Variants in KIAA2012 observed in about 807,000 individuals in gnomAD.
KIAA2012 encodes the protein uncharacterized protein KIAA2012.
KIAA2012 carries 125 observed loss-of-function variants against 150.6 expected under a neutral mutation model. The observed-to-expected ratio is 0.83, with a 90% CI of 0.72 to 0.96. The LOEUF (loss-of-function observed/expected upper bound fraction) is 0.96. Ranked by LOEUF, KIAA2012 falls within the 40% of genes least tolerant of loss-of-function variation. KIAA2012 has a pLI of 0.00. For missense variants in KIAA2012, 1,219 were observed against 1,354.9 expected (o/e 0.90, Z 1.57); for synonymous variants, 462 against 504.7 (o/e 0.92, Z 1.13).
chr2:202,118,131 A>G (rs933953486), intron 11 of KIAA2012, among the ~76,000 whole-genome samples: 1 of 152,142 alleles, frequency 6.6e-6, no homozygotes, highest in Non-Finnish European at 1.5e-5. Context: ...GTTCTGAATC[A>G]TAGAGTCCAC....
At chr2:202,150,998 G>A (rs1349085363) in intron 13 of KIAA2012, among the ~76,000 whole-genome samples, 1 of 152,186 alleles carries the variant, frequency 6.6e-6, no homozygotes. Context: ...AAACAGAGGG[G>A]TGCCTCATGG....
intron 15 of KIAA2012, among the ~76,000 whole-genome samples, chr2:202,174,003 T>C (rs1251367017): frequency 6.6e-6 from 1 of 152,188 alleles, no homozygotes; most frequent in Admixed American, 6.5e-5. Flanking sequence ...TTTGCTCTTG[T>C]CGCCCAGACT....
At chr2:202,175,367 A>G (rs993523548) in intron 15 of KIAA2012, among the ~76,000 whole-genome samples, 3 of 152,248 alleles carry the variant, frequency 2.0e-5, no homozygotes, top group Admixed American at 6.5e-5. Context: ...ATTAGCTGAT[A>G]TTAAAATTCA....
At position 202,085,525 on chromosome 2, in the gene KIAA2012, C is replaced by T. The variant is rs146895475; in HGVS notation, c.370-5245C>T. 2.6e-5 allele frequency among the ~76,000 whole-genome samples: 4 copies of T among 152,200 alleles called. No individual in the cohort carries two copies. In the East Asian group the frequency reaches 7.7e-4, roughly 29 times the overall value. On this transcript the variant is annotated intron_variant, in intron 2 of 23. Coordinates refer to ENST00000498697, the MANE Select transcript of KIAA2012 (RefSeq NM_001277372.4). ...AGCCAAGGAATGAAGGTGGGGGTGA[C>T]CTCTAGAAGCTGGAAAAGGCAGGGA...
chr2:202,114,658 A>T (rs897863449), intron 11 of KIAA2012: 2 of 166,624 alleles, frequency 1.2e-5, no homozygotes, highest in Admixed American at 6.5e-5. Flanking sequence ...TGCTTCAGTC[A>T]TTTTAGTATC....
chr2:202,190,498 G>A lies in KIAA2012; in HGVS notation c.2811+5G>A, dbSNP rs144941654. 896 of 1,493,140 alleles carry A rather than the reference G, an allele frequency of 6.0e-4. 3 individuals are homozygous for A. In the African/African-American group the frequency reaches 0.01, roughly 17 times the overall value. 92.5% of individuals were successfully genotyped at this position (1,493,140 alleles called of 1,614,324 possible). The stretch of plus-strand genomic sequence containing the variant: ...AGATGTGAGGACCCTTCCAAGGTAG[G>A]GTCTGATGTCCTCAGCTTGACAGAG... On this transcript the variant is annotated splice_donor_5th_base_variant and intron_variant, in intron 19 of 23. Transcript: ENST00000498697.
intron 11 of KIAA2012, among the ~76,000 whole-genome samples, chr2:202,118,229 T>G (rs1240839856): frequency 6.6e-6 from 1 of 152,192 alleles, no homozygotes; most frequent in Non-Finnish European, 1.5e-5. Context: ...GCCTTTTCAG[T>G]GTTTTTCATA....
Position 202,109,739 on chromosome 2 carries a change from C to A in KIAA2012, c.1601C>A (p.Pro534Gln). Residue 534 changes from proline (P) to glutamine (Q), a missense_variant, in exon 10 of 24, where the codon CCA becomes CAA. Transcript: ENST00000498697. ...AGGACATCAGACCACAACAGCCCCC[C>A]AAGTCTCCCGAACATGAGAGTGCCC... The part of the protein sequence containing the change: ...SPRTSDHNSP[P>Q]SLPNMRVPRR... 1 of 1,550,314 alleles carries A rather than the reference C, an allele frequency of 6.5e-7. No homozygotes were observed. Among genetic ancestry groups the A allele is most frequent in the Non-Finnish European group, 8.7e-7 (1 of 1,146,856 alleles).
rs967587282 is a variant in KIAA2012 at position 202,184,385 on chromosome 2, A to C, written c.2120-368A>C. Reference sequence around the variant, plus strand: ...GTCAACAGAGCAAGACTCCGTCTCAAAAAAAAAAAAAAAAAGTAATGTAAT... The same window carrying C: ...GTCAACAGAGCAAGACTCCGTCTCACAAAAAAAAAAAAAAAGTAATGTAAT... On this transcript the variant is annotated intron_variant, in intron 15 of 23. Transcript: ENST00000498697. Among the ~76,000 whole-genome samples, 52 of 32,030 alleles carry C rather than the reference A, an allele frequency of 1.6e-3. 1 individual carries two copies. In the East Asian group the frequency reaches 0.075, roughly 46 times the overall value. The allele number at this position is 32,030 out of a possible 152,430, so 21.0% of individuals were successfully genotyped here.
At chr2:202,171,706 A>G (rs182998138) in intron 15 of KIAA2012, among the ~76,000 whole-genome samples, 1 of 152,304 alleles carries the variant, frequency 6.6e-6, no homozygotes, top group Non-Finnish European at 1.5e-5. Flanking sequence ...GCAGGCACGC[A>G]TAGTCCCTGG....
intron 15 of KIAA2012, among the ~76,000 whole-genome samples, chr2:202,182,172 T>G (rs906990476): frequency 1.4e-5 from 2 of 145,290 alleles, no homozygotes; most frequent in African/African-American, 5.1e-5. Context: ...TGAAGTGCAA[T>G]GGCGCGATCT....
chr2:202,094,333 C>T (rs1166857983), intron 4 of KIAA2012, among the ~76,000 whole-genome samples: 1 of 152,078 alleles, frequency 6.6e-6, no homozygotes, highest in Non-Finnish European at 1.5e-5. Flanking sequence ...GCCTGACCAA[C>T]CCCCATCTTT....
In KIAA2012 at chr2:202,187,012, G is replaced by A. The variant is rs1442061914; in HGVS notation, c.2290G>A (p.Val764Met). 4 of 1,550,490 alleles carry A rather than the reference G, an allele frequency of 2.6e-6. No homozygotes were observed. Among genetic ancestry groups the A allele is most frequent in the Middle Eastern group, 1.7e-4 (1 of 6,014 alleles). Residue 764 changes from valine to methionine, a missense_variant, in exon 17 of 24, where the codon GTG (valine) becomes ATG (methionine). By Grantham distance (21) the Val-to-Met change is conservative (BLOSUM62 1). Transcript: ENST00000498697. ...TGAGTCACCCGAGAGGTTGAGTGCTGTGTATACATCTCTTCTTCCAAGAGA... is the reference window on the plus strand; with the variant it reads ...TGAGTCACCCGAGAGGTTGAGTGCTATGTATACATCTCTTCTTCCAAGAGA... ...GPESPERLSA[V>M]YTSLLPRERE... is the part of the protein sequence containing the mutation.
At chr2:202,125,025 G>A (rs975440938) in intron 11 of KIAA2012, among the ~76,000 whole-genome samples, 189 bp from the exon 12 acceptor site, 4 of 152,166 alleles carry the variant, frequency 2.6e-5, no homozygotes, top group Admixed American at 6.5e-5. Context: ...AGCCGAGATC[G>A]TGCCACTGCA....
chr2:202,179,452 A>G, intron 15 of KIAA2012: 1 of 715,766 alleles, frequency 1.4e-6, no homozygotes, highest in South Asian at 1.4e-5. Context: ...AAAAACAGAA[A>G]TTCATTCTGT....
intron 14 of KIAA2012, among the ~76,000 whole-genome samples, chr2:202,157,578 G>T (rs1448121022): frequency 1.3e-5 from 2 of 152,140 alleles, no homozygotes; most frequent in Non-Finnish European, 2.9e-5. Flanking sequence ...GTTCTAAATT[G>T]TATATGCATG....
intron 12 of KIAA2012, among the ~76,000 whole-genome samples, 156 bp downstream of exon 12, chr2:202,125,438 G>A (rs1690759644): frequency 6.6e-6 from 1 of 152,202 alleles, no homozygotes; most frequent in Non-Finnish European, 1.5e-5. Flanking sequence ...CCTGAGAAAT[G>A]TGTTGTTCTG....
At chr2:202,181,939 T>C (rs1254818008) in intron 15 of KIAA2012, among the ~76,000 whole-genome samples, 1 of 152,016 alleles carries the variant, frequency 6.6e-6, no homozygotes, top group Non-Finnish European at 1.5e-5. Context: ...GTCACCACAA[T>C]CGAAATACAA....
chr2:202,097,367 T>C, intron 4 of KIAA2012, 68 bp from the exon 5 acceptor site: 1 of 1,536,730 alleles, frequency 6.5e-7, no homozygotes, highest in Non-Finnish European at 8.8e-7. Flanking sequence ...AGGGAGGCAG[T>C]TTGGAGGCAG....
Sources: allele counts gnomAD v4.1 joint callset (sites outside exome capture counted in the v4.1 genomes callset), GRCh38; gene constraint gnomAD v4.1.1; transcripts MANE v1.5; gene names NCBI Gene and HGNC (gene_info 2026-07-23, HGNC 2026-07-21).